Variants in PCDHA9 observed in about 807,000 individuals in gnomAD.
The protein encoded by PCDHA9 is protocadherin alpha 9, also known as protocadherin alpha-9.
Under a neutral mutation model 62.0 loss-of-function variants are expected in PCDHA9, and 62 were observed. That is an observed-to-expected ratio of 1.00 (90% CI 0.81 to 1.23). PCDHA9 has a LOEUF of 1.23. Ranked by LOEUF, PCDHA9 falls within the 50% of genes most tolerant of loss-of-function variation. The pLI is 0.00. For missense variants in PCDHA9, 1,205 were observed against 1,249.8 expected (o/e 0.96, Z 0.54); for synonymous variants, 557 against 567.6 (o/e 0.98, Z 0.27).
intron 1 of PCDHA9, among the ~76,000 whole-genome samples, chr5:140,946,711 T>C (rs1165441185): frequency 1.3e-5 from 2 of 150,618 alleles, no homozygotes; most frequent in African/African-American, 2.5e-5. Context: ...GAGGTCATTA[T>C]GTTTAGTTAA....
chr5:140,938,298 A>G (rs549354760), intron 1 of PCDHA9, among the ~76,000 whole-genome samples: 4 of 152,350 alleles, frequency 2.6e-5, no homozygotes, highest in African/African-American at 7.2e-5. Context: ...ATTGCCTATG[A>G]AATTCAGTAT....
At chr5:141,002,807 C>T (rs1297773193) in intron 3 of PCDHA9, among the ~76,000 whole-genome samples, 1 of 152,152 alleles carries the variant, frequency 6.6e-6, no homozygotes, top group Non-Finnish European at 1.5e-5. Flanking sequence ...GAAACTGAGG[C>T]TCAGAGATAT....
At chr5:140,927,713 A>G in intron 1 of PCDHA9, 1 of 1,614,180 alleles carries the variant, frequency 6.2e-7, no homozygotes, top group Non-Finnish European at 8.5e-7. Flanking sequence ...TCCCTAAGCA[A>G]CAGCACGCAA....
At chr5:140,967,783 C>T (rs1554229939) in intron 1 of PCDHA9, 1 of 1,614,186 alleles carries the variant, frequency 6.2e-7, no homozygotes, top group Admixed American at 1.7e-5. Flanking sequence ...AGGCGACTGA[C>T]CGGGGTCCAG....
chr5:140,923,343 T>C (rs1251719779), intron 1 of PCDHA9, among the ~76,000 whole-genome samples: 1 of 152,122 alleles, frequency 6.6e-6, no homozygotes, highest in African/African-American at 2.4e-5. Flanking sequence ...TTGGGCAACA[T>C]AGTGGGACCC....
chr5:141,010,158 G>A lies in PCDHA9; in HGVS notation c.*221G>A. 6.4e-7 allele frequency: 1 copy of A among 1,570,690 alleles called. No homozygotes were observed. Among genetic ancestry groups the A allele is most frequent in the Non-Finnish European group, 8.6e-7 (1 of 1,156,884 alleles). On this transcript the variant is annotated 3_prime_UTR_variant, in exon 4 of 4. Coordinates refer to ENST00000532602, the MANE Select transcript of PCDHA9 (RefSeq NM_031857.2). Reference sequence around the variant, plus strand: ...TAACTCTTTCTCTCCACTCTGGCTTGTTTTCAGAACCTAAAAAGCAGACCC... The same window carrying A: ...TAACTCTTTCTCTCCACTCTGGCTTATTTTCAGAACCTAAAAAGCAGACCC...
chr5:140,953,055 T>C (rs1389436711), intron 1 of PCDHA9, among the ~76,000 whole-genome samples: 3 of 152,178 alleles, frequency 2.0e-5, no homozygotes, highest in African/African-American at 7.2e-5. Flanking sequence ...CAATCACCTC[T>C]CACAGGCCCC....
Position 140,856,863 on chromosome 5 carries a change from T to C in PCDHA9, c.2394+5974T>C. 4 of 1,595,256 alleles carry C rather than the reference T, an allele frequency of 2.5e-6. 1 individual carries two copies. Among genetic ancestry groups the C allele is most frequent in the Non-Finnish European group, 3.4e-6 (4 of 1,165,176 alleles). ...AACGCTTCTGATTCGGATGAAGGAA[T>C]AAACAAGGAAATGATGTATTCATTT... On this transcript the variant is annotated intron_variant, in intron 1 of 3. Transcript: ENST00000532602.
At chr5:140,887,254 G>A (rs924715341) in intron 1 of PCDHA9, among the ~76,000 whole-genome samples, 4 of 151,790 alleles carry the variant, frequency 2.6e-5, no homozygotes, top group Admixed American at 2.0e-4. Context: ...CCGCCACCAC[G>A]CCCTGCTAAT....
intron 1 of PCDHA9, among the ~76,000 whole-genome samples, chr5:140,952,416 G>A (rs114343205): frequency 2.1e-3 from 324 of 151,824 alleles, no homozygotes; most frequent in African/African-American, 7.0e-3. Flanking sequence ...TTAATGTTCC[G>A]CAGATTCCTA....
chr5:140,871,137 T>C, intron 1 of PCDHA9: 1 of 1,613,416 alleles, frequency 6.2e-7, no homozygotes, highest in East Asian at 2.2e-5. Flanking sequence ...CAAAGGCCTC[T>C]TCCCGGACTT....
chr5:141,001,403 G>C (rs2098015477), intron 3 of PCDHA9, among the ~76,000 whole-genome samples: 1 of 152,232 alleles, frequency 6.6e-6, no homozygotes, highest in Non-Finnish European at 1.5e-5. Flanking sequence ...AGAACAGGGA[G>C]TATATTTTTA....
At chr5:140,892,702 A>G (rs1391662001) in intron 1 of PCDHA9, among the ~76,000 whole-genome samples, 1 of 152,240 alleles carries the variant, frequency 6.6e-6, no homozygotes, top group Admixed American at 6.5e-5. Flanking sequence ...AAATCAGGGT[A>G]ATTAGCATAT....
At chr5:140,981,977 G>A (rs1321410399) in intron 2 of PCDHA9, among the ~76,000 whole-genome samples, 1 of 152,128 alleles carries the variant, frequency 6.6e-6, no homozygotes, top group African/African-American at 2.4e-5. Context: ...TATAGAAAGA[G>A]TAAAATAGAA....
intron 3 of PCDHA9, among the ~76,000 whole-genome samples, chr5:140,997,495 C>T (rs1255911617): frequency 6.6e-6 from 1 of 152,078 alleles, no homozygotes; most frequent in East Asian, 1.9e-4. Context: ...ATTTGTGTAT[C>T]TCAACATACC....
chr5:140,884,514 C>G, intron 1 of PCDHA9: 21 of 1,614,176 alleles, frequency 1.3e-5, no homozygotes, highest in South Asian at 2.2e-5. Flanking sequence ...GGGAGTTGGT[C>G]GTACTCGCAG....
chr5:140,949,659 T>A (rs940241933), intron 1 of PCDHA9, among the ~76,000 whole-genome samples: 12 of 151,994 alleles, frequency 7.9e-5, no homozygotes, highest in Middle Eastern at 6.8e-3. Context: ...TACTTTTGTT[T>A]CTTTAAAGTA....
intron 1 of PCDHA9, among the ~76,000 whole-genome samples, chr5:140,942,913 G>GA (rs58669311): frequency 1.5e-4 from 23 of 148,948 alleles, no homozygotes; most frequent in Middle Eastern, 3.5e-3. Flanking sequence ...TAAGCGTGAA[G>GA]AAAAAAAAAA....
At chr5:140,956,788 G>T (rs2095310590) in intron 1 of PCDHA9, among the ~76,000 whole-genome samples, 1 of 152,094 alleles carries the variant, frequency 6.6e-6, no homozygotes, top group African/African-American at 2.4e-5. Flanking sequence ...GGCTTTGTTT[G>T]CTTGGTGGGC....
Sources: allele counts gnomAD v4.1 joint callset (sites outside exome capture counted in the v4.1 genomes callset), GRCh38; gene constraint gnomAD v4.1.1; transcripts MANE v1.5; gene names NCBI Gene and HGNC (gene_info 2026-07-23, HGNC 2026-07-21).